Variants in PABIR2 observed in about 807,000 individuals in gnomAD.
PABIR2 encodes PABIR family member 2, also known as family with sequence similarity 122B.
PABIR2 carries 7 observed loss-of-function variants against 22.8 expected under a neutral mutation model. The ratio of observed to expected loss-of-function variants is 0.31; its 90% CI spans 0.17 to 0.58. The LOEUF (loss-of-function observed/expected upper bound fraction) is 0.58, where lower values mean the gene tolerates loss of function less well. Among genes scored for constraint, PABIR2 ranks in the 20% least tolerant of loss-of-function variants. The pLI, the probability that PABIR2 is intolerant of heterozygous loss-of-function variation, is 0.89. For missense variants in PABIR2, 155 were observed against 205.1 expected, an observed-to-expected ratio of 0.76 and a Z score of 1.49; for synonymous variants, 67 against 73.8, an observed-to-expected ratio of 0.91 and a Z score of 0.47.
chrX:134,795,435 C>A (rs1419830063), intron 1 of PABIR2, among the ~76,000 whole-genome samples: 1 of 111,321 alleles, frequency 9.0e-6, no homozygotes, highest in Non-Finnish European at 1.9e-5. Flanking sequence ...AAGATGCTAC[C>A]TTAAAACAGA....
chrX:134,792,096 T>C (rs765818809), intron 2 of PABIR2, among the ~76,000 whole-genome samples: 2 of 112,513 alleles, frequency 1.8e-5, no homozygotes, highest in South Asian at 7.3e-4. Flanking sequence ...CTAAGATTTA[T>C]AGCACATCCT....
intron 2 of PABIR2, 89 bp from the exon 3 acceptor site, chrX:134,789,725 A>T (rs758314586): frequency 1.3e-6 from 1 of 796,998 alleles, no homozygotes; most frequent in African/African-American, 2.1e-5. Flanking sequence ...TTCCTAGGTA[A>T]GTTTTCATAT....
chrX:134,776,029 C>T (rs1197387983), intron 9 of PABIR2, among the ~76,000 whole-genome samples: 1 of 111,750 alleles, frequency 8.9e-6, no homozygotes, highest in African/African-American at 3.3e-5. Context: ...TGAAGGTAGA[C>T]AGGAGTTTTA....
At chrX:134,781,346 T>TG (rs1344480894) in intron 9 of PABIR2, among the ~76,000 whole-genome samples, 1 of 112,416 alleles carries the variant, frequency 8.9e-6, no homozygotes, top group Non-Finnish European at 1.9e-5. Flanking sequence ...GGTAAGGAGC[T>TG]GGGGGGCAGA....
chrX:134,776,695 T>G (rs1439292318), intron 9 of PABIR2, among the ~76,000 whole-genome samples: 1 of 112,129 alleles, frequency 8.9e-6, no homozygotes, highest in East Asian at 2.8e-4. Flanking sequence ...ACACTCAAAT[T>G]TCAAACTTAA....
intron 7 of PABIR2, 94 bp from the exon 8 acceptor site, chrX:134,786,044 C>A (rs1479797067): frequency 2.6e-6 from 2 of 766,033 alleles, no homozygotes; most frequent in Non-Finnish European, 3.9e-6. Context: ...ATAAAATGGA[C>A]AATCTTATCA....
intron 9 of PABIR2, among the ~76,000 whole-genome samples, chrX:134,772,496 C>A (rs2078859826): frequency 9.0e-6 from 1 of 111,529 alleles, no homozygotes; most frequent in Non-Finnish European, 1.9e-5. Flanking sequence ...ATTTGATTGT[C>A]CCCCCTAGAG....
intron 9 of PABIR2, among the ~76,000 whole-genome samples, chrX:134,780,584 C>T (rs899199999): frequency 5.4e-5 from 6 of 111,149 alleles, no homozygotes; most frequent in Non-Finnish European, 1.1e-4. Context: ...CTCAAAAAAA[C>T]AAAACAAAAA....
intron 8 of PABIR2, among the ~76,000 whole-genome samples, 179 bp downstream of exon 8, chrX:134,785,707 A>T (rs977754095): frequency 1.1e-4 from 12 of 111,984 alleles, no homozygotes; most frequent in Admixed American, 4.7e-4. Flanking sequence ...CTCCGAAAGT[A>T]TTGGGATTAC....
intron 2 of PABIR2, among the ~76,000 whole-genome samples, chrX:134,792,479 T>C (rs184634697): frequency 6.2e-5 from 7 of 112,423 alleles, no homozygotes; most frequent in Admixed American, 1.9e-4. Flanking sequence ...TATTTTCCAG[T>C]GTCCTCAGAG....
Position 134,787,607 on chromosome X carries a change from TTTC to T in PABIR2, c.436-77_436-75del, listed in dbSNP as rs1417071889. 76 of 765,883 alleles carry T rather than the reference TTTC, an allele frequency of 9.9e-5. No individual in the cohort carries two copies. The African/African-American group carries it at 1.1e-3, about 11-fold the overall frequency. The allele number at this position is 765,883 out of a possible 1,213,427, so 63.1% of individuals were successfully genotyped here. The stretch of plus-strand genomic sequence containing the variant: ...AAATAGTTCTAGCACTCCAGTTTTC[TTTC>T]TTTTTTTTTTTTTTTTTTTTTTTTA... On this transcript the variant is annotated intron_variant, in intron 6 of 9. Coordinates refer to ENST00000343004, the MANE Select transcript of PABIR2 (RefSeq NM_001387468.1).
chrX:134,797,007 TCGAG>T lies in PABIR2; in HGVS notation c.-806_-803del, dbSNP rs1353900416. 8.8e-6 allele frequency: 1 copy of T among 113,289 alleles called. No homozygotes were observed. The highest frequency in any genetic ancestry group is 2.8e-4 in the East Asian group (1 of 3,553). The allele number at this position is 113,289 out of a possible 1,213,427, so 9.3% of individuals were successfully genotyped here. A position where few individuals can be genotyped will look rare whatever the true frequency, so the allele number is the denominator to read the frequency against. On this transcript the variant is annotated 5_prime_UTR_variant, in exon 1 of 10. Coordinates refer to ENST00000343004, the MANE Select transcript of PABIR2 (RefSeq NM_001387468.1). The stretch of plus-strand genomic sequence containing the variant: ...CTCCCCTCCCTGCCCCCCTCCCGCC[TCGAG>T]GACAGGTTGGGGGTTCGGCCTCTCA...
rs374337416 is a variant in PABIR2 at position 134,772,217 on chromosome X, G to A, written c.726C>T (p.Ser242=). The A allele has an allele frequency of 6.6e-6, 8 of 1,204,260 alleles. No homozygotes were observed. The highest frequency in any genetic ancestry group is 3.6e-5 in the South Asian group (2 of 55,959). The change falls in exon 10 of 10, where the codon AGC becomes AGT. Residue 242 remains serine, a synonymous_variant. Transcript: ENST00000343004. ...ATGCTACTGGAGACTCTGCGGTAGC[G>A]CTGCCTTTAGCCAGCGGGTCTGAGG... ...GLSSDPLAKG[S]ATAESPVACS...
chrX:134,783,079 T>C (rs1391323973), intron 8 of PABIR2, among the ~76,000 whole-genome samples: 2 of 112,296 alleles, frequency 1.8e-5, no homozygotes, highest in East Asian at 5.6e-4. Context: ...TTTAAGTTAG[T>C]AATAATAACA....
intron 2 of PABIR2, among the ~76,000 whole-genome samples, chrX:134,790,393 T>C (rs1305730629): frequency 8.9e-6 from 1 of 112,678 alleles, no homozygotes; most frequent in East Asian, 2.8e-4. Context: ...AAACGACTAC[T>C]ATTTATTCTA....
chrX:134,779,663 T>A (rs1479573660), intron 9 of PABIR2, among the ~76,000 whole-genome samples: 5 of 112,179 alleles, frequency 4.5e-5, no homozygotes, highest in Non-Finnish European at 9.4e-5. Context: ...CTTATTTGCA[T>A]GAACCTGTTT....
In PABIR2 at chrX:134,797,048, G is replaced by C. The variant is rs937011920; in HGVS notation, c.-843C>G. The C allele has an allele frequency of 8.8e-6, 1 of 114,140 alleles. No individual in the cohort carries two copies. The highest frequency in any genetic ancestry group is 1.9e-5 in the Non-Finnish European group (1 of 54,020). 9.4% of individuals were successfully genotyped at this position (114,140 alleles called of 1,213,427 possible). ...GGTTCGGCCTCTCAGCCGCCGCCGC[G>C]GTGCCTCCTCTTCCTCTCTCGGGTT... On this transcript the variant is annotated 5_prime_UTR_variant, in exon 1 of 10. Coordinates refer to ENST00000343004, the MANE Select transcript of PABIR2 (RefSeq NM_001387468.1).
chrX:134,774,642 GA>G (rs200918481), intron 9 of PABIR2, among the ~76,000 whole-genome samples: 2 of 107,140 alleles, frequency 1.9e-5, no homozygotes, highest in East Asian at 2.9e-4. Flanking sequence ...TTGAGGAGCA[GA>G]AAAAAAAAGC....
rs2078814544 is a variant in PABIR2, at chrX:134,770,069, G to T, written c.*2070C>A. 1 of 112,078 alleles carries T rather than the reference G, an allele frequency of 8.9e-6. No homozygotes were observed. The highest frequency in any genetic ancestry group is 1.9e-5 in the Non-Finnish European group (1 of 53,186). The allele number at this position is 112,078 out of a possible 1,213,427, so 9.2% of individuals were successfully genotyped here. On this transcript the variant is annotated 3_prime_UTR_variant, in exon 10 of 10. Coordinates refer to ENST00000343004, the MANE Select transcript of PABIR2 (RefSeq NM_001387468.1). The stretch of plus-strand genomic sequence containing the variant: ...CCACCATTGAATTTCAAAAATTAAT[G>T]TAAATACCATCATATTTCAGTTATT...
Sources: gnomAD v4.1 joint callset for allele counts (sites outside exome capture counted in the v4.1 genomes callset) on GRCh38, gnomAD v4.1.1 for gene constraint, MANE v1.5 for transcripts, NCBI Gene and HGNC (gene_info 2026-07-23, HGNC 2026-07-21) for gene names.